Variants in TMEM230 observed in about 807,000 individuals in gnomAD.
TMEM230 encodes the protein UPF0414 transmembrane protein C20orf30.
A neutral mutation model predicts 15.8 loss-of-function variants in TMEM230; 10 were observed. That is an observed-to-expected ratio of 0.63 (90% CI 0.39 to 1.07). TMEM230 has a LOEUF of 1.07. Among genes scored for constraint, TMEM230 ranks in the 50% least tolerant of loss-of-function variants. TMEM230 has a pLI of 0.01. For missense variants in TMEM230, 165 were observed against 193.3 expected, an observed-to-expected ratio of 0.85 and a Z score of 0.87; for synonymous variants, 67 against 76.9, an observed-to-expected ratio of 0.87 and a Z score of 0.68.
At chr20:5,081,864 CTTTTTTTTCTTTT>C (rs1256857414) in intron 3 of TMEM230, among the ~76,000 whole-genome samples, 1 of 140,332 alleles carries the variant, frequency 7.1e-6, no homozygotes, top group African/African-American at 3.0e-5. Flanking sequence ...CACTGATTTT[CTTTTTTTTCTTTT>C]TTTTTTTTTT....
intron 3 of TMEM230, among the ~76,000 whole-genome samples, chr20:5,107,658 T>C (rs1458188476): frequency 6.6e-6 from 1 of 151,952 alleles, no homozygotes; most frequent in Admixed American, 6.6e-5. Context: ...TACAAAAAAT[T>C]TTAAAATTAG....
chr20:5,073,662 G>A (rs545256756), intron 3 of TMEM230, among the ~76,000 whole-genome samples: 1 of 152,222 alleles, frequency 6.6e-6, no homozygotes, highest in Non-Finnish European at 1.5e-5. Flanking sequence ...GCAACAAAGT[G>A]GGGGAGACTG....
intron 4 of TMEM230, among the ~76,000 whole-genome samples, chr20:5,103,772 A>G (rs1383196130): frequency 6.6e-6 from 1 of 152,196 alleles, no homozygotes; most frequent in Non-Finnish European, 1.5e-5. Flanking sequence ...ATCTCTTGAC[A>G]TATACAAAAA....
chr20:5,097,654 TTGAGACGGAGTCTCACTC>T (rs1358922871), downstream of TMEM230, among the ~76,000 whole-genome samples: 1 of 152,210 alleles, frequency 6.6e-6, no homozygotes, highest in Non-Finnish European at 1.5e-5. Flanking sequence ...TATTATTTTT[TTGAGACGGAGTCTCACTC>T]TGTCACCATC....
intron 3 of TMEM230, among the ~76,000 whole-genome samples, chr20:5,080,241 C>T (rs979002839): frequency 2.0e-5 from 3 of 152,116 alleles, no homozygotes; most frequent in Admixed American, 6.5e-5. Context: ...TTAATGTAGA[C>T]GCCGGAAAAT....
intron 4 of TMEM230, among the ~76,000 whole-genome samples, chr20:5,101,747 T>C (rs2089873807): frequency 6.6e-6 from 1 of 152,152 alleles, no homozygotes; most frequent in East Asian, 1.9e-4. Context: ...CCCTGTTGTG[T>C]GTTAATTATA....
At chr20:5,078,236 C>A (rs1363191039) in intron 3 of TMEM230, among the ~76,000 whole-genome samples, 1 of 152,064 alleles carries the variant, frequency 6.6e-6, no homozygotes, top group Non-Finnish European at 1.5e-5. Context: ...CTGCTGTCAC[C>A]CTCTTGAAGT....
At chr20:5,084,584 G>C (rs1160254973) in intron 3 of TMEM230, among the ~76,000 whole-genome samples, 1 of 151,888 alleles carries the variant, frequency 6.6e-6, no homozygotes, top group Non-Finnish European at 1.5e-5. Context: ...GCCCAGGCTG[G>C]AGTGCAGTGG....
At chr20:5,094,009 A>G (rs924924848) in intron 3 of TMEM230, among the ~76,000 whole-genome samples, 4 of 151,684 alleles carry the variant, frequency 2.6e-5, no homozygotes, top group African/African-American at 9.7e-5. Flanking sequence ...GCTGGAGTGC[A>G]GTGGCACAAT....
intron 3 of TMEM230, among the ~76,000 whole-genome samples, chr20:5,077,585 G>A (rs57500875): frequency 7.6e-6 from 1 of 132,126 alleles, no homozygotes; most frequent in Non-Finnish European, 1.8e-5. Flanking sequence ...TGTAATCCCA[G>A]CACTTTGGGG....
At chr20:5,059,871 C>A in the TMEM230 span, among the ~76,000 whole-genome samples, 1 of 145,916 alleles carries the variant, frequency 6.9e-6, no homozygotes, top group African/African-American at 2.6e-5. Flanking sequence ...CCTCCGCCTC[C>A]TAGTTTCAAG....
intron 3 of TMEM230, among the ~76,000 whole-genome samples, chr20:5,108,182 G>A (rs1156462742): frequency 6.6e-6 from 1 of 152,084 alleles, no homozygotes; most frequent in Non-Finnish European, 1.5e-5. Flanking sequence ...CACTTTGCGA[G>A]GCCGAGGCAG....
intron 3 of TMEM230, among the ~76,000 whole-genome samples, chr20:5,077,394 T>C (rs2089038405): frequency 1.3e-5 from 2 of 152,164 alleles, no homozygotes. Flanking sequence ...GGTTACACAG[T>C]GACCAAAATA....
chr20:5,098,803 TG>T (rs911664998), downstream of TMEM230, among the ~76,000 whole-genome samples: 100 of 150,672 alleles, frequency 6.6e-4, no homozygotes, highest in South Asian at 1.7e-3. Flanking sequence ...AAAATAGAAT[TG>T]GGGGGGGGAA....
At chr20:5,075,444 C>T (rs576035245) in intron 3 of TMEM230, among the ~76,000 whole-genome samples, 47 of 151,830 alleles carry the variant, frequency 3.1e-4, no homozygotes, top group Non-Finnish European at 6.3e-4. Flanking sequence ...TAAAAAGAGG[C>T]CAGGCGCGGT....
chr20:5,069,450 G>A, intron 3 of TMEM230: 2 of 1,233,646 alleles, frequency 1.6e-6, no homozygotes, highest in Non-Finnish European at 2.2e-6. Flanking sequence ...GCATTTTGGT[G>A]CTCCACAACA....
chr20:5,084,186 C>T (rs999206601), intron 3 of TMEM230, among the ~76,000 whole-genome samples: 4 of 151,778 alleles, frequency 2.6e-5, no homozygotes, highest in African/African-American at 7.3e-5. Flanking sequence ...GCAAAGAACA[C>T]GATCTTATTC....
intron 3 of TMEM230, among the ~76,000 whole-genome samples, chr20:5,079,522 C>G (rs2089114378): frequency 6.6e-6 from 1 of 152,138 alleles, no homozygotes. Flanking sequence ...ACAGCTTGCT[C>G]TGTCACCGAG....
chr20:5,101,424 T>C (rs1973449037), intron 4 of TMEM230, among the ~76,000 whole-genome samples: 1 of 152,148 alleles, frequency 6.6e-6, no homozygotes, highest in Non-Finnish European at 1.5e-5. Context: ...TTCTTTCTCT[T>C]TTTTCTTTTT....
Sources: allele counts gnomAD v4.1 joint callset (sites outside exome capture counted in the v4.1 genomes callset), GRCh38; gene constraint gnomAD v4.1.1; transcripts MANE v1.5; gene names NCBI Gene and HGNC (gene_info 2026-07-23, HGNC 2026-07-21).